The following FOXN4 variants were observed in gnomAD, a reference collection of about 807,000 sequenced individuals.
FOXN4 encodes forkhead box protein N4.
FOXN4 carries 12 observed loss-of-function variants against 45.0 expected under a neutral mutation model. The observed-to-expected ratio is 0.27, with a 90% CI of 0.17 to 0.43. The LOEUF (loss-of-function observed/expected upper bound fraction) is 0.43, where lower values mean the gene tolerates loss of function less well. Ranked by LOEUF, FOXN4 falls within the 20% of genes least tolerant of loss-of-function variation. The pLI, the probability that FOXN4 is intolerant of heterozygous loss-of-function variation, is 1.00. For missense variants in FOXN4, 560 were observed against 694.9 expected, an observed-to-expected ratio of 0.81 and a Z score of 2.18; for synonymous variants, 297 against 295.0, an observed-to-expected ratio of 1.01 and a Z score of -0.07.
At chr12:109,295,955 C>T (rs2136936322) in intron 2 of FOXN4, among the ~76,000 whole-genome samples, 1 of 152,304 alleles carries the variant, frequency 6.6e-6, no homozygotes, top group South Asian at 2.1e-4. Context: ...TCCTAACCTT[C>T]CTGAGCCTCA....
At chr12:109,281,257 A>G (rs2047649048) in intron 9 of FOXN4, 150 bp downstream of exon 9, 14 of 1,173,444 alleles carry the variant, frequency 1.2e-5, no homozygotes, top group Admixed American at 2.7e-5. Context: ...GGATTTCCGG[A>G]TTAGGGATGT....
intron 2 of FOXN4, among the ~76,000 whole-genome samples, chr12:109,297,115 A>G (rs1339580607): frequency 6.6e-6 from 1 of 152,184 alleles, no homozygotes; most frequent in Non-Finnish European, 1.5e-5. Flanking sequence ...CCCTGGCTGA[A>G]GAAGTGTGCT....
Position 109,285,270 on chromosome 12 carries a change from TGTGTGC to T in FOXN4, c.901+28_901+33del, listed in dbSNP as rs747802580. The T allele has an allele frequency of 1.6e-4, 244 of 1,541,574 alleles. 1 individual carries two copies. The Middle Eastern group carries it at 2.3e-3, about 15-fold the overall frequency. On this transcript the variant is annotated intron_variant, in intron 8 of 9. Coordinates refer to ENST00000299162, the MANE Select transcript of FOXN4 (RefSeq NM_213596.3). ...GTGTGTGTGTGTGTGTGTGTGTGTGTGTGTGCGCGCACTGCGGGCTGTCCGGCCCTC... is the reference window on the plus strand; with the variant it reads ...GTGTGTGTGTGTGTGTGTGTGTGTGTGCGCACTGCGGGCTGTCCGGCCCTC...
chr12:109,296,348 C>T (rs2047816933), intron 2 of FOXN4, among the ~76,000 whole-genome samples: 2 of 152,226 alleles, frequency 1.3e-5, no homozygotes, highest in Admixed American at 1.3e-4. Context: ...CACTAAAGGT[C>T]CCGGCTGGGG....
intron 7 of FOXN4, among the ~76,000 whole-genome samples, chr12:109,286,248 C>G (rs998771449): frequency 6.6e-6 from 1 of 152,178 alleles, no homozygotes; most frequent in Non-Finnish European, 1.5e-5. Flanking sequence ...CTGCCAGGCC[C>G]TTTATCTGCA....
chr12:109,304,295 G>GA (rs1555244325), intron 2 of FOXN4, among the ~76,000 whole-genome samples: 25 of 40,046 alleles, frequency 6.2e-4, no homozygotes, highest in African/African-American at 2.7e-3. Context: ...AAGAAAGAAA[G>GA]GAGAAAGAAA....
At chr12:109,304,304 A>G (rs2047901829) in intron 2 of FOXN4, among the ~76,000 whole-genome samples, 1 of 151,542 alleles carries the variant, frequency 6.6e-6, no homozygotes, top group Non-Finnish European at 1.5e-5. Flanking sequence ...AGGAGAAAGA[A>G]AGAAGGAAAG....
At position 109,288,304 on chromosome 12, in the gene FOXN4, G is replaced by C; in HGVS notation, c.233-124C>G. 7.5e-7 allele frequency: 1 copy of C among 1,334,282 alleles called. No homozygotes were observed. The highest frequency in any genetic ancestry group is 1.0e-6 in the Non-Finnish European group (1 of 997,330). The allele number at this position is 1,334,282 out of a possible 1,614,324, so 82.7% of individuals were successfully genotyped here. ...CCCCTTTCCTCGGACCAGGCACATA[G>C]TAGGTGCTTGGCAAATCACTTCCCT... On this transcript the variant is annotated intron_variant, in intron 3 of 9. Coordinates refer to ENST00000299162, the MANE Select transcript of FOXN4 (RefSeq NM_213596.3). The surrounding 1 kb of genome is among the most constrained non-coding windows in gnomAD (Gnocchi z 4.3).
chr12:109,304,305 A>G (rs1301413254), intron 2 of FOXN4, among the ~76,000 whole-genome samples: 3 of 151,464 alleles, frequency 2.0e-5, no homozygotes, highest in Non-Finnish European at 4.4e-5. Flanking sequence ...GGAGAAAGAA[A>G]GAAGGAAAGA....
chr12:109,304,643 GCTGCCCCC>G (rs200650393), intron 2 of FOXN4, among the ~76,000 whole-genome samples: 2,561 of 152,284 alleles, frequency 0.017, 34 homozygotes, highest in Non-Finnish European at 0.025. Context: ...GCCTCTAGCT[GCTGCCCCC>G]GCCCTCCTGC....
rs1055717396 is a variant in FOXN4 at position 109,291,938 on chromosome 12, G to A, written c.87-1652C>T. On this transcript the variant is annotated intron_variant, in intron 2 of 9. Transcript: ENST00000299162. The surrounding 1 kb of genome is among the most constrained non-coding windows in gnomAD (Gnocchi z 6.6). ...GCAGCCCCCCGGCTGCCACCCCTCC[G>A]GCCGCCACCCCTCCGGCTGCCACCC... Among the ~76,000 whole-genome samples the A allele has an allele frequency of 3.4e-5, 5 of 148,954 alleles. No individual in the cohort carries two copies. Among genetic ancestry groups the A allele is most frequent in the East Asian group, 1.9e-4 (1 of 5,162 alleles).
intron 2 of FOXN4, among the ~76,000 whole-genome samples, chr12:109,307,169 C>G (rs1194868754): frequency 3.3e-5 from 5 of 152,228 alleles, no homozygotes; most frequent in South Asian, 2.1e-4. Context: ...CAGGAAGCAG[C>G]CTCCCTCTAA....
At chr12:109,307,724 T>C (rs2136953443) in intron 2 of FOXN4, among the ~76,000 whole-genome samples, 1 of 152,300 alleles carries the variant, frequency 6.6e-6, no homozygotes, top group South Asian at 2.1e-4. Context: ...CTTAAGATCA[T>C]CTACTTCAAC....
chr12:109,287,590 C>T lies in FOXN4; in HGVS notation c.469-66G>A, dbSNP rs2047726340. On this transcript the variant is annotated intron_variant, in intron 5 of 9. Coordinates refer to ENST00000299162, the MANE Select transcript of FOXN4 (RefSeq NM_213596.3). The surrounding 1 kb of genome is among the most constrained non-coding windows in gnomAD (Gnocchi z 4.1). ...AGAGAAGGTGAGAAATAACATACGT[C>T]ACTCACAGTAACACTGTCCCCACCC... is the stretch of plus-strand genomic sequence containing the variant. 1 of 1,471,830 alleles carries T rather than the reference C, an allele frequency of 6.8e-7. No individual in the cohort carries two copies. 91.2% of individuals were successfully genotyped at this position (1,471,830 alleles called of 1,614,324 possible).
chr12:109,292,956 CTGCTACTCG>C (rs1343702004), intron 2 of FOXN4, among the ~76,000 whole-genome samples: 2 of 152,158 alleles, frequency 1.3e-5, no homozygotes, highest in Non-Finnish European at 2.9e-5. Context: ...CTTCTCTTTC[CTGCTACTCG>C]TGAGCCCCTC....
chr12:109,278,031 C>T lies in FOXN4; in HGVS notation c.*1640G>A, dbSNP rs1277292888. The T allele has an allele frequency of 6.6e-6, 1 of 152,242 alleles. No homozygotes were observed. Among genetic ancestry groups the T allele is most frequent in the African/African-American group, 2.4e-5 (1 of 41,474 alleles). The allele number at this position is 152,242 out of a possible 1,614,324, so 9.4% of individuals were successfully genotyped here. On this transcript the variant is annotated 3_prime_UTR_variant, in exon 10 of 10. Transcript: ENST00000299162. ...AGTTGCTCAATTCTACACTTACAGT[C>T]TTGATGTTGCCCAAACACGGAGTCT... is the stretch of plus-strand genomic sequence containing the variant.
In FOXN4 at chr12:109,288,180, C is replaced by T; in HGVS notation, c.233G>A (p.Gly78Asp). The change falls in exon 4 of 10, where the codon GGT (glycine) becomes GAT (aspartate). Residue 78 changes from glycine (G) to aspartate (D), a missense_variant and splice_region_variant. Around this residue, in one of 5 missense-constraint regions of FOXN4, gnomAD observed 142 missense variants for 185.7 expected, o/e 0.76. Transcript: ENST00000299162. The surrounding 1 kb of genome is among the most constrained non-coding windows in gnomAD (Gnocchi z 4.3). Reference protein sequence around the residue: ...GGPCVPHPHPGALAGVADLHV... With the variant: ...GGPCVPHPHPDALAGVADLHV... ...CAGGTCGGCCACCCCAGCCAAGGCA[C>T]CTGCCGGAGAGAAGCACAGAGACGC... The T allele has an allele frequency of 6.5e-7, 1 of 1,547,636 alleles. No individual in the cohort carries two copies. The highest frequency in any genetic ancestry group is 8.7e-7 in the Non-Finnish European group (1 of 1,146,268).
chr12:109,285,209 T>A, intron 8 of FOXN4, 95 bp downstream of exon 8: 3 of 1,484,700 alleles, frequency 2.0e-6, no homozygotes, highest in Non-Finnish European at 2.7e-6. Context: ...GGGTTGGCCA[T>A]GCTCTGGTGG....
rs557087293 is a variant in FOXN4 at position 109,294,028 on chromosome 12, T to C, written c.87-3742A>G. On this transcript the variant is annotated intron_variant, in intron 2 of 9. Transcript: ENST00000299162. ...CAGTCAGAACTCGAACCCGGGTCTG[T>C]CTGCCTCCCTCAGGTGGTTCCTGTG... Among the ~76,000 whole-genome samples, 25 of 152,316 alleles carry C rather than the reference T, an allele frequency of 1.6e-4. No homozygotes were observed. The East Asian group carries it at 4.2e-3, about 26-fold the overall frequency.
Sources: allele counts gnomAD v4.1 joint callset (sites outside exome capture counted in the v4.1 genomes callset), GRCh38; gene constraint gnomAD v4.1.1; regional missense constraint gnomAD v4.1.1; non-coding constraint Gnocchi (gnomAD v3.1); transcripts MANE v1.5; gene names NCBI Gene and HGNC (gene_info 2026-07-23, HGNC 2026-07-21).